The following FAM107B variants were observed in gnomAD, a reference collection of about 807,000 sequenced individuals.
The protein encoded by FAM107B is protein FAM107B.
Under a neutral mutation model 31.5 loss-of-function variants are expected in FAM107B, and 21 were observed. That is an observed-to-expected ratio of 0.67 (90% CI 0.47 to 0.96). The LOEUF is 0.96. Among genes scored for constraint, FAM107B ranks in the 40% least tolerant of loss-of-function variants. FAM107B has a pLI of 0.00. For missense variants in FAM107B, 452 were observed against 377.1 expected (o/e 1.20, Z -1.64); for synonymous variants, 157 against 141.5 (o/e 1.11, Z -0.78).
At chr10:14,773,147 G>T (rs1040454774) in intron 1 of FAM107B, among the ~76,000 whole-genome samples, 3 of 152,150 alleles carry the variant, frequency 2.0e-5, no homozygotes, top group Admixed American at 6.5e-5. Context: ...TGTGACAGAG[G>T]ATATGGTAAA....
At chr10:14,692,288 G>T (rs1855157288) in intron 1 of FAM107B, among the ~76,000 whole-genome samples, 1 of 152,106 alleles carries the variant, frequency 6.6e-6, no homozygotes, top group Admixed American at 6.5e-5. Flanking sequence ...TGGCGGCTCT[G>T]CTCCCTTGGA....
chr10:14,529,562 C>G (rs928276849), intron 3 of FAM107B: 7 of 152,042 alleles, frequency 4.6e-5, no homozygotes, highest in African/African-American at 1.7e-4. Context: ...TTCACCAGGG[C>G]TTAGCAAAGA....
rs143352561 is a variant in FAM107B, at chr10:14,581,795, C to CGAGTA, written c.470-51281_470-51280insTACTC. Among the ~76,000 whole-genome samples the CGAGTA allele has an allele frequency of 4.8e-3, 735 of 152,234 alleles. 10 individuals carry two copies. The highest frequency in any genetic ancestry group is 0.016 in the African/African-American group (683 of 41,516). ...GTGCACACCCACGGTCCCAGCTACTCGGGAGGCTGGGGTGGGAGGATCACT... is the reference window on the plus strand; with the variant it reads ...GTGCACACCCACGGTCCCAGCTACTCGAGTAGGGAGGCTGGGGTGGGAGGATCACT... On this transcript the variant is annotated intron_variant, in intron 2 of 4. Transcript: ENST00000181796.
At chr10:14,631,215 A>C (rs1853346323) in intron 2 of FAM107B, among the ~76,000 whole-genome samples, 1 of 152,160 alleles carries the variant, frequency 6.6e-6, no homozygotes, top group Non-Finnish European at 1.5e-5. Context: ...CCTGGGCAGC[A>C]TCCTATCATC....
Position 14,530,387 on chromosome 10 carries a change from T to G in FAM107B, c.598A>C (p.Lys200Gln), listed in dbSNP as rs1306741514. Reference sequence around the variant, plus strand: ...AGATCTTGATGGTTCCGGGAGGTTTTTACAGGATTGATCAGTTTCTGAGGC... The same window carrying G: ...AGATCTTGATGGTTCCGGGAGGTTTGTACAGGATTGATCAGTTTCTGAGGC... ...IRPQKLINPV[K>Q]TSRNHQDLHR... The change falls in exon 3 of 5, where the codon AAA (lysine) becomes CAA (glutamine). Residue 200 changes from lysine (K) to glutamine (Q), a missense_variant. By Grantham distance (53) the Lys-to-Gln change is moderately conservative (BLOSUM62 1). Coordinates refer to ENST00000181796, the MANE Select transcript of FAM107B (RefSeq NM_031453.4). The G allele has an allele frequency of 6.2e-7, 1 of 1,613,094 alleles. No homozygotes were observed. The highest frequency in any genetic ancestry group is 2.2e-5 in the East Asian group (1 of 44,828).
At position 14,774,445 on chromosome 10, in the gene FAM107B, T is replaced by C. The variant is rs1182642501; in HGVS notation, c.219A>G (p.Pro73=). 3.7e-6 allele frequency: 6 copies of C among 1,614,114 alleles called. No individual in the cohort carries two copies. The highest frequency in any genetic ancestry group is 2.2e-5 in the East Asian group (1 of 44,894). ...GGGTGCTCGAATCTTGCCTTTTCTC[T>C]GGAGCTCCTTCTGCGCTTGGGTGTC... ...QPRHPSAEGA[P]EKRQDSSTHA... Residue 73 remains proline, a synonymous_variant, in exon 1 of 5, where the codon CCA becomes CCG. Coordinates refer to ENST00000181796, the MANE Select transcript of FAM107B (RefSeq NM_031453.4).
At chr10:14,772,159 C>T (rs1564298725) in intron 1 of FAM107B, among the ~76,000 whole-genome samples, 4 of 152,036 alleles carry the variant, frequency 2.6e-5, no homozygotes, top group Non-Finnish European at 2.9e-5. Flanking sequence ...TCGAGACCAT[C>T]CTGGCTAACA....
chr10:14,738,635 G>A (rs904651373), intron 1 of FAM107B, among the ~76,000 whole-genome samples: 3 of 152,154 alleles, frequency 2.0e-5, no homozygotes, highest in Non-Finnish European at 2.9e-5. Flanking sequence ...TGCAAAATGA[G>A]GTCAACAGCA....
intron 2 of FAM107B, among the ~76,000 whole-genome samples, chr10:14,614,172 C>A (rs982074882): frequency 5.9e-5 from 9 of 152,004 alleles, no homozygotes; most frequent in Non-Finnish European, 1.2e-4. Context: ...TCTTTCTTTC[C>A]CCCTAAACAG....
At chr10:14,619,086 CAGAGGGAGCTTCAGAGGGATTT>C (rs1852928032) in intron 2 of FAM107B, among the ~76,000 whole-genome samples, 1 of 152,132 alleles carries the variant, frequency 6.6e-6, no homozygotes, top group Non-Finnish European at 1.5e-5. Context: ...CTATAACCTT[CAGAGGGAGCTTCAGAGGGATTT>C]AGAGGGAGCA....
intron 2 of FAM107B, among the ~76,000 whole-genome samples, chr10:14,566,256 A>C (rs1564572445): frequency 6.6e-6 from 1 of 152,186 alleles, no homozygotes; most frequent in African/African-American, 2.4e-5. Context: ...CAGTGACTTT[A>C]AGGTGATCCC....
chr10:14,762,798 AC>A (rs140167668), intron 1 of FAM107B, among the ~76,000 whole-genome samples: 20 of 148,756 alleles, frequency 1.3e-4, no homozygotes, highest in African/African-American at 2.1e-4. Flanking sequence ...ACACACACAC[AC>A]ACAAAAAGAA....
intron 1 of FAM107B, among the ~76,000 whole-genome samples, chr10:14,669,499 T>C (rs1391693985): frequency 1.3e-5 from 2 of 151,850 alleles, no homozygotes; most frequent in African/African-American, 4.8e-5. Context: ...AACTTGAACA[T>C]CCATCGCCAG....
chr10:14,628,094 T>G (rs967508939), intron 2 of FAM107B, among the ~76,000 whole-genome samples: 23 of 149,432 alleles, frequency 1.5e-4, no homozygotes, highest in African/African-American at 5.2e-4. Context: ...GTTTCCTTGT[T>G]TGTTTTTTGT....
intron 1 of FAM107B, among the ~76,000 whole-genome samples, chr10:14,687,766 T>C (rs1855025209): frequency 1.3e-5 from 2 of 152,160 alleles, no homozygotes; most frequent in Non-Finnish European, 2.9e-5. Context: ...TAGAGCATGA[T>C]AGAACCACTT....
intron 2 of FAM107B, among the ~76,000 whole-genome samples, chr10:14,645,214 A>C: frequency 6.6e-6 from 1 of 152,210 alleles, no homozygotes; most frequent in East Asian, 1.9e-4. Flanking sequence ...TTTCATGGGC[A>C]GGACCTGACT....
intron 1 of FAM107B, among the ~76,000 whole-genome samples, chr10:14,734,610 T>C (rs1856255413): frequency 6.6e-6 from 1 of 151,976 alleles, no homozygotes; most frequent in Non-Finnish European, 1.5e-5. Flanking sequence ...CACCTTTGAA[T>C]TGTACCAGTG....
intron 2 of FAM107B, among the ~76,000 whole-genome samples, chr10:14,561,909 C>T (rs950527984): frequency 2.0e-5 from 3 of 152,116 alleles, no homozygotes; most frequent in South Asian, 4.1e-4. Flanking sequence ...CTCAGCCTCC[C>T]GAGTAGCTGG....
chr10:14,542,753 T>G (rs1391559540), intron 2 of FAM107B: 1 of 152,228 alleles, frequency 6.6e-6, no homozygotes, highest in East Asian at 1.9e-4. Context: ...CCCATTTCTC[T>G]AACCAACAGA....
Sources: allele counts gnomAD v4.1 joint callset (sites outside exome capture counted in the v4.1 genomes callset), GRCh38; gene constraint gnomAD v4.1.1; transcripts MANE v1.5; gene names NCBI Gene and HGNC (gene_info 2026-07-23, HGNC 2026-07-21).